Variants in GPR158 observed in about 807,000 individuals in gnomAD.
GPR158 encodes the protein G protein-coupled receptor 158.
GPR158 carries 30 observed loss-of-function variants against 78.2 expected under a neutral mutation model. The ratio of observed to expected loss-of-function variants is 0.38; its 90% CI spans 0.29 to 0.52. The LOEUF is 0.52. Ranked by LOEUF, GPR158 falls within the 20% of genes least tolerant of loss-of-function variation. The probability of loss-of-function intolerance (pLI) is 0.83; values close to 1 mark genes in which losing one functional copy is unlikely to be tolerated. For missense variants in GPR158, 1,463 were observed against 1,523.5 expected, an observed-to-expected ratio of 0.96 and a Z score of 0.66; for synonymous variants, 581 against 591.1, an observed-to-expected ratio of 0.98 and a Z score of 0.25.
rs554960031 is a variant in GPR158 at position 25,264,181 on chromosome 10, C to G, written c.1008+43024C>G. On this transcript the variant is annotated intron_variant, in intron 2 of 10. Coordinates refer to ENST00000376351, the MANE Select transcript of GPR158 (RefSeq NM_020752.3). ...TTATGCCAATATCCAGTCCTTTGTA[C>G]GTTGAATCTGCACTGGCTCTTTGTA... Among the ~76,000 whole-genome samples the G allele has an allele frequency of 1.3e-5, 2 of 152,222 alleles. 1 individual carries two copies. Among genetic ancestry groups the G allele is most frequent in the South Asian group, 4.1e-4 (2 of 4,822 alleles).
At chr10:25,338,765 A>T (rs1330449701) in intron 2 of GPR158, among the ~76,000 whole-genome samples, 1 of 150,702 alleles carries the variant, frequency 6.6e-6, no homozygotes, top group African/African-American at 2.4e-5. Flanking sequence ...GCATTTCTAT[A>T]TACACTTTTA....
At chr10:25,470,096 C>T (rs1349767051) in intron 5 of GPR158, among the ~76,000 whole-genome samples, 2 of 152,076 alleles carry the variant, frequency 1.3e-5, no homozygotes, top group Non-Finnish European at 2.9e-5. Context: ...TGGACACTGC[C>T]CCTGTATAAC....
intron 4 of GPR158, among the ~76,000 whole-genome samples, chr10:25,435,034 C>T (rs1256711249): frequency 6.6e-6 from 1 of 152,128 alleles, no homozygotes; most frequent in Non-Finnish European, 1.5e-5. Flanking sequence ...GCACTTTATC[C>T]TGTGGGCAGC....
chr10:25,395,222 A>T (rs1208561435), intron 2 of GPR158, among the ~76,000 whole-genome samples: 2 of 152,040 alleles, frequency 1.3e-5, no homozygotes, highest in Non-Finnish European at 2.9e-5. Context: ...AATTTTGGGG[A>T]GATGTCTATT....
chr10:25,337,323 C>A (rs1360928993), intron 2 of GPR158, among the ~76,000 whole-genome samples: 4 of 152,070 alleles, frequency 2.6e-5, no homozygotes, highest in Admixed American at 2.6e-4. Flanking sequence ...GTGCAGTCAA[C>A]ACCATTTCCT....
intron 5 of GPR158, among the ~76,000 whole-genome samples, chr10:25,487,141 A>C (rs1020365448): frequency 6.6e-6 from 1 of 151,996 alleles, no homozygotes; most frequent in African/African-American, 2.4e-5. Context: ...TGCTTGCCAC[A>C]CCAGTCATAA....
chr10:25,550,440 CG>C (rs1231856799), intron 5 of GPR158, among the ~76,000 whole-genome samples: 1 of 151,868 alleles, frequency 6.6e-6, no homozygotes, highest in African/African-American at 2.4e-5. Context: ...CTGTTTCAGA[CG>C]GGGGAAAGGG....
At chr10:25,235,377 T>C (rs776125852) in intron 2 of GPR158, among the ~76,000 whole-genome samples, 13 of 151,992 alleles carry the variant, frequency 8.6e-5, no homozygotes, top group Middle Eastern at 3.2e-3. Flanking sequence ...ATTACAATAA[T>C]CTAGTAAAGT....
At chr10:25,359,577 A>T (rs1248170287) in intron 2 of GPR158, among the ~76,000 whole-genome samples, 1 of 152,134 alleles carries the variant, frequency 6.6e-6, no homozygotes, top group African/African-American at 2.4e-5. Context: ...TTCCCTGCAA[A>T]GGGCATAAAC....
At chr10:25,541,821 A>C (rs903150624) in intron 5 of GPR158, among the ~76,000 whole-genome samples, 2 of 151,616 alleles carry the variant, frequency 1.3e-5, no homozygotes, top group Admixed American at 1.3e-4. Flanking sequence ...TTATCGGCTT[A>C]ATTCTTCCCA....
chr10:25,364,891 G>T (rs1292472963), intron 2 of GPR158, among the ~76,000 whole-genome samples: 1 of 151,738 alleles, frequency 6.6e-6, no homozygotes, highest in African/African-American at 2.4e-5. Context: ...ACTAAATTTC[G>T]ATTACTTGAA....
At chr10:25,343,602 G>C (rs1474353503) in intron 2 of GPR158, among the ~76,000 whole-genome samples, 1 of 151,816 alleles carries the variant, frequency 6.6e-6, no homozygotes, top group Non-Finnish European at 1.5e-5. Context: ...TTAAACTTTA[G>C]GGCACATAAA....
chr10:25,397,252 G>T (rs1408818061), intron 3 of GPR158, among the ~76,000 whole-genome samples: 1 of 152,190 alleles, frequency 6.6e-6, no homozygotes, highest in African/African-American at 2.4e-5. Context: ...TCCAGAAAAT[G>T]TCAGTGTTAC....
At chr10:25,581,091 AT>A (rs1045893397) in intron 7 of GPR158, among the ~76,000 whole-genome samples, 17 of 145,340 alleles carry the variant, frequency 1.2e-4, no homozygotes, top group South Asian at 4.4e-4. Context: ...CGCCCGGCTA[AT>A]TTTTTTTTTG....
At chr10:25,501,441 C>T (rs1320165980) in intron 5 of GPR158, among the ~76,000 whole-genome samples, 2 of 152,158 alleles carry the variant, frequency 1.3e-5, no homozygotes, top group Non-Finnish European at 2.9e-5. Context: ...TATGTTTACT[C>T]ATGTATTGTC....
intron 2 of GPR158, among the ~76,000 whole-genome samples, chr10:25,246,476 G>T (rs1029280882): frequency 6.6e-6 from 1 of 152,114 alleles, no homozygotes; most frequent in African/African-American, 2.4e-5. Context: ...TGAGACGGAG[G>T]CACCACTAAA....
At chr10:25,366,766 C>G (rs551689408) in intron 2 of GPR158, among the ~76,000 whole-genome samples, 3 of 151,662 alleles carry the variant, frequency 2.0e-5, no homozygotes, top group Non-Finnish European at 4.4e-5. Context: ...CCATTCTACT[C>G]TCTGCTTCTG....
At chr10:25,452,611 T>G (rs1246027721) in intron 4 of GPR158, among the ~76,000 whole-genome samples, 1 of 152,172 alleles carries the variant, frequency 6.6e-6, no homozygotes, top group Non-Finnish European at 1.5e-5. Context: ...CTCATATATC[T>G]TGTCTTCAAC....
intron 3 of GPR158, among the ~76,000 whole-genome samples, chr10:25,400,230 A>G (rs1319178478): frequency 1.3e-5 from 2 of 152,190 alleles, no homozygotes; most frequent in Non-Finnish European, 2.9e-5. Flanking sequence ...AGAAACAGAA[A>G]GGATATAGAG....
Sources: gnomAD v4.1 joint callset for allele counts (sites outside exome capture counted in the v4.1 genomes callset) on GRCh38, gnomAD v4.1.1 for gene constraint, MANE v1.5 for transcripts, NCBI Gene and HGNC (gene_info 2026-07-23, HGNC 2026-07-21) for gene names.